Variants in ARHGEF4 observed in about 807,000 individuals in gnomAD.
ARHGEF4 encodes APC-stimulated guanine nucleotide exchange factor 1.
Under a neutral mutation model 162.0 loss-of-function variants are expected in ARHGEF4, and 119 were observed. That is an observed-to-expected ratio of 0.73 (90% confidence interval 0.63 to 0.86). The LOEUF (loss-of-function observed/expected upper bound fraction) is 0.86. Among genes scored for constraint, ARHGEF4 ranks in the 40% least tolerant of loss-of-function variants. ARHGEF4 has a pLI of 0.00. For missense variants in ARHGEF4, 2,488 were observed against 2,456.0 expected (o/e 1.01, Z -0.28); for synonymous variants, 1,014 against 979.9 (o/e 1.03, Z -0.65).
At position 130,935,034 on chromosome 2, in the gene ARHGEF4, T is replaced by C. The variant is rs550840309; in HGVS notation, c.3858+3777T>C. 6.6e-5 allele frequency among the ~76,000 whole-genome samples: 10 copies of C among 152,316 alleles called. No individual in the cohort carries two copies. In the South Asian group the frequency reaches 2.1e-3, roughly 32 times the overall value. On this transcript the variant is annotated intron_variant, in intron 3 of 13. Transcript: ENST00000409359. Reference sequence around the variant, plus strand: ...ATTTTAGTAATTTGTATTTTCTCTCTTTTTTTCCTCAGTGTAGCTAAATGC... The same window carrying C: ...ATTTTAGTAATTTGTATTTTCTCTCCTTTTTTCCTCAGTGTAGCTAAATGC...
intron 3 of ARHGEF4, among the ~76,000 whole-genome samples, chr2:130,934,543 C>CTTGTT (rs375907516): frequency 6.6e-6 from 1 of 151,990 alleles, no homozygotes; most frequent in African/African-American, 2.4e-5. Context: ...TATATTTCTT[C>CTTGTT]TTGTTTTGTT....
intron 6 of ARHGEF4, 66 bp from the exon 7 acceptor site, chr2:131,039,950 C>CGGCGCAG: frequency 6.6e-7 from 1 of 1,521,180 alleles, no homozygotes; most frequent in Non-Finnish European, 8.8e-7. Flanking sequence ...CCCGCCGCTG[C>CGGCGCAG]GGCGCAGGGC....
At chr2:130,896,429 C>CT (rs1386806528) in intron 1 of ARHGEF4, among the ~76,000 whole-genome samples, 1 of 152,222 alleles carries the variant, frequency 6.6e-6, no homozygotes. Flanking sequence ...TGTAACTGTT[C>CT]TGAGCCCACA....
At chr2:130,935,362 T>G (rs1032604897) in intron 3 of ARHGEF4, among the ~76,000 whole-genome samples, 2 of 152,058 alleles carry the variant, frequency 1.3e-5, no homozygotes, top group African/African-American at 4.8e-5. Context: ...ATTACTATAT[T>G]TAATGTGTCT....
intron 1 of ARHGEF4, among the ~76,000 whole-genome samples, chr2:130,911,279 A>T (rs1398753405): frequency 6.6e-6 from 1 of 152,190 alleles, no homozygotes; most frequent in Non-Finnish European, 1.5e-5. Flanking sequence ...CTAAAGCCTC[A>T]TCTAGTTATA....
chr2:130,916,233 C>T lies in ARHGEF4; in HGVS notation c.2287C>T (p.Arg763Trp), dbSNP rs1038366458. The stretch of plus-strand genomic sequence containing the variant: ...CCCCGAAGGCGGTGCTGCAGCAGCC[C>T]GGGGCCAGCGCCCCCGCGTCCCCGC... ...EAPEGGAAAA[R>W]GQRPRVPALE... The change falls in exon 2 of 14, where the codon CGG becomes TGG. Residue 763 changes from arginine to tryptophan, a missense_variant. By Grantham distance (101) the Arg-to-Trp change is moderately radical. Transcript: ENST00000409359. The T allele has an allele frequency of 5.2e-6, 8 of 1,533,280 alleles. No homozygotes were observed. In the East Asian group the frequency reaches 1.2e-4, roughly 24 times the overall value. 95.0% of individuals were successfully genotyped at this position (1,533,280 alleles called of 1,614,324 possible). A position where few individuals can be genotyped will look rare whatever the true frequency, so the allele number is the denominator to read the frequency against.
In ARHGEF4 at chr2:130,931,110, T is replaced by C; in HGVS notation, c.3711T>C (p.Ala1237=). ...CTGCAGAGACTGTGCGTGGGGAGGC[T>C]CCTTCACAGCCTAGGGGCATCCCTC... ...CISAETVRGE[A]PSQPRGIPHR... The change falls in exon 3 of 14, where the codon GCT becomes GCC. Residue 1237 remains alanine, a synonymous_variant. Transcript: ENST00000409359. 1 of 1,614,126 alleles carries C rather than the reference T, an allele frequency of 6.2e-7. No homozygotes were observed. The highest frequency in any genetic ancestry group is 1.1e-5 in the South Asian group (1 of 91,070).
At chr2:130,931,403 G>A in intron 3 of ARHGEF4, 146 bp downstream of exon 3, 1 of 864,148 alleles carries the variant, frequency 1.2e-6, no homozygotes. Context: ...CATGCTGCCT[G>A]GGCCACACTC....
chr2:130,981,268 A>G (rs1382738822), intron 4 of ARHGEF4, among the ~76,000 whole-genome samples: 2 of 152,242 alleles, frequency 1.3e-5, no homozygotes, highest in East Asian at 3.8e-4. Flanking sequence ...AGGAAACAAA[A>G]TAATTATTCA....
intron 4 of ARHGEF4, among the ~76,000 whole-genome samples, chr2:131,014,926 T>C (rs1458258982): frequency 1.3e-5 from 2 of 152,010 alleles, no homozygotes; most frequent in Admixed American, 1.3e-4. Context: ...TGGAGAGCGA[T>C]GGGCACTGAG....
intron 4 of ARHGEF4, among the ~76,000 whole-genome samples, chr2:130,976,222 G>A (rs953190571): frequency 6.6e-6 from 1 of 152,096 alleles, no homozygotes; most frequent in Non-Finnish European, 1.5e-5. Context: ...GGGATAAGAG[G>A]GAAAAGGGAT....
rs1690528432 is a variant in ARHGEF4 at position 131,038,980 on chromosome 2, G to C, written c.4253G>C (p.Trp1418Ser). Reference sequence around the variant, plus strand: ...ATGGATGCCACCAACAGAGAGTGGTGGTGGGGCCGGGTCGCCGATGGCGAG... The same window carrying C: ...ATGGATGCCACCAACAGAGAGTGGTCGTGGGGCCGGGTCGCCGATGGCGAG... ...EVMDATNREWWWGRVADGEGW... is the reference protein window; with the variant it reads ...EVMDATNREWSWGRVADGEGW... The change falls in exon 6 of 14, where the codon TGG (tryptophan) becomes TCG (serine). Residue 1418 changes from tryptophan (W) to serine (S), a missense_variant. By Grantham distance (177) the Trp-to-Ser change is radical. Transcript: ENST00000409359. 6.2e-7 allele frequency: 1 copy of C among 1,613,548 alleles called. No homozygotes were observed. Among genetic ancestry groups the C allele is most frequent in the Admixed American group, 1.7e-5 (1 of 59,998 alleles).
chr2:130,983,460 C>T (rs1040164152), intron 4 of ARHGEF4, among the ~76,000 whole-genome samples: 4 of 152,170 alleles, frequency 2.6e-5, no homozygotes, highest in Middle Eastern at 3.4e-3. Context: ...CAAAATATCT[C>T]CCAGAGACAA....
At chr2:130,844,319 A>T (rs906272908) in intron 1 of ARHGEF4, among the ~76,000 whole-genome samples, 1 of 152,208 alleles carries the variant, frequency 6.6e-6, no homozygotes, top group Non-Finnish European at 1.5e-5. Context: ...ACAGACGGGG[A>T]TGGTGCTGCC....
Position 130,915,276 on chromosome 2 carries a change from T to A in ARHGEF4, c.1330T>A (p.Ser444Thr). Residue 444 changes from serine to threonine, a missense_variant, in exon 2 of 14, where the codon TCA (serine) becomes ACA (threonine). This residue lies in a region of ARHGEF4 where 1,642 missense variants were observed against 1,481.5 expected (regional missense o/e 1.11). Coordinates refer to ENST00000409359, the MANE Select transcript of ARHGEF4 (RefSeq NM_001367493.1). Reference protein sequence around the residue: ...RSCLVASCLTSELVKLSAEEV... With the variant: ...RSCLVASCLTTELVKLSAEEV... The stretch of plus-strand genomic sequence containing the variant: ...ATGTCTGGTGGCTTCATGCCTCACC[T>A]CAGAGTTAGTGAAGCTCAGTGCAGA... 1.3e-6 allele frequency: 2 copies of A among 1,550,518 alleles called. No homozygotes were observed.
Position 130,837,694 on chromosome 2 carries a change from C to T in ARHGEF4, c.39+702C>T, listed in dbSNP as rs1290499693. On this transcript the variant is annotated intron_variant, in intron 1 of 13. Transcript: ENST00000409359. ...CCGGCCACAGGTTGCCAAGCCCGAC[C>T]TCCCCAGGTGAGCCAGCGGGAGGGC... 7 of 436,210 alleles carry T rather than the reference C, an allele frequency of 1.6e-5. No homozygotes were observed. In the East Asian group the frequency reaches 5.6e-4, roughly 35 times the overall value. The allele number at this position is 436,210 out of a possible 1,614,324, so 27.0% of individuals were successfully genotyped here.
chr2:130,914,553 C>A lies in ARHGEF4; in HGVS notation c.607C>A (p.Gln203Lys). 7.1e-7 allele frequency: 1 copy of A among 1,409,960 alleles called. No homozygotes were observed. Among genetic ancestry groups the A allele is most frequent in the Non-Finnish European group, 9.2e-7 (1 of 1,088,258 alleles). 87.3% of individuals were successfully genotyped at this position (1,409,960 alleles called of 1,614,324 possible). The change falls in exon 2 of 14, where the codon CAA becomes AAA. Residue 203 changes from glutamine to lysine, a missense_variant. Coordinates refer to ENST00000409359, the MANE Select transcript of ARHGEF4 (RefSeq NM_001367493.1). ...GPEPVQGVAV[Q>K]DLRGLSSVSL... ...TGAGCCAGTACAGGGGGTGGCTGTT[C>A]AAGACCTCAGAGGGCTCTCCAGTGT... is the stretch of plus-strand genomic sequence containing the variant.
chr2:131,011,921 C>G lies in ARHGEF4; in HGVS notation c.3986-16024C>G, dbSNP rs182858674. 2.6e-4 allele frequency: 185 copies of G among 702,144 alleles called. No homozygotes were observed. In the African/African-American group the frequency reaches 3.0e-3, roughly 12 times the overall value. The allele number at this position is 702,144 out of a possible 1,614,324, so 43.5% of individuals were successfully genotyped here. A position where few individuals can be genotyped will look rare whatever the true frequency, so the allele number is the denominator to read the frequency against. ...ACCTGCACTGGAGGTACGTGGTGGA[C>G]AGATGAAAAATGGTTGGATTCTGGA... is the stretch of plus-strand genomic sequence containing the variant. On this transcript the variant is annotated intron_variant, in intron 4 of 13. Coordinates refer to ENST00000409359, the MANE Select transcript of ARHGEF4 (RefSeq NM_001367493.1).
chr2:130,999,299 C>T (rs1364235127), intron 4 of ARHGEF4, among the ~76,000 whole-genome samples: 10 of 151,726 alleles, frequency 6.6e-5, no homozygotes, highest in East Asian at 3.9e-4. Context: ...GGACTACAGG[C>T]GCCCGCCACC....
Sources: gnomAD v4.1 joint callset for allele counts (sites outside exome capture counted in the v4.1 genomes callset) on GRCh38, gnomAD v4.1.1 for gene constraint, gnomAD v4.1.1 regional missense constraint, MANE v1.5 for transcripts, NCBI Gene and HGNC (gene_info 2026-07-23, HGNC 2026-07-21) for gene names.